EFHB: variants seen among roughly 807,000 people sequenced by gnomAD.
EFHB encodes EF-hand domain-containing family member B.
In EFHB, 91 loss-of-function variants were observed where a neutral mutation model predicts 87.2. That is an observed-to-expected ratio of 1.04 (90% CI 0.88 to 1.24). The LOEUF (loss-of-function observed/expected upper bound fraction) is 1.24, where lower values mean the gene tolerates loss of function less well. Ranked by LOEUF, EFHB falls within the 50% of genes most tolerant of loss-of-function variation. The pLI is 0.00. For synonymous variants in EFHB, 325 were observed against 333.6 expected, an observed-to-expected ratio of 0.97 and a Z score of 0.28; for missense variants, 1,084 against 998.8, an observed-to-expected ratio of 1.09 and a Z score of -1.15.
chr3:19,914,823 T>G (rs749552196), intron 5 of EFHB, among the ~76,000 whole-genome samples: 3 of 152,100 alleles, frequency 2.0e-5, no homozygotes, highest in Non-Finnish European at 4.4e-5. Flanking sequence ...AGTGCAGTGG[T>G]GCATGCCTGT....
At chr3:19,902,656 G>A (rs1449680283) in intron 6 of EFHB, among the ~76,000 whole-genome samples, 14 of 151,952 alleles carry the variant, frequency 9.2e-5, no homozygotes, top group Admixed American at 8.5e-4. Context: ...CCAGCCAATA[G>A]AGATCCTCTT....
At chr3:19,929,266 T>C (rs1695742459) in intron 1 of EFHB, among the ~76,000 whole-genome samples, 1 of 151,856 alleles carries the variant, frequency 6.6e-6, no homozygotes, top group South Asian at 2.1e-4. Context: ...CTCAAACTCC[T>C]GGGCTCAAGC....
At position 19,933,887 on chromosome 3, in the gene EFHB, C is replaced by T. The variant is rs1303489337; in HGVS notation, c.132G>A (p.Gly44=). ...ACTTATTACTAACCACAGGGCTCTC[C>T]CCGCATCGGGAATCTTCTTTTCCTA... The part of the protein sequence containing the change: ...VGLGKEDSRC[G]ESPVVSNKCE... Residue 44 remains glycine (G), a synonymous_variant, in exon 1 of 13, where the codon GGG becomes GGA. Coordinates refer to ENST00000295824, the MANE Select transcript of EFHB (RefSeq NM_144715.4). The T allele has an allele frequency of 6.2e-7, 1 of 1,613,972 alleles. No homozygotes were observed. The highest frequency in any genetic ancestry group is 1.1e-5 in the South Asian group (1 of 91,074).
intron 6 of EFHB, 149 bp downstream of exon 6, chr3:19,905,471 C>A: frequency 1.2e-6 from 1 of 863,546 alleles, no homozygotes; most frequent in Non-Finnish European, 1.7e-6. Flanking sequence ...AAGTGAAATA[C>A]ATTACACTGT....
chr3:19,915,755 A>G (rs1363729993), intron 4 of EFHB, among the ~76,000 whole-genome samples: 1 of 122,936 alleles, frequency 8.1e-6, no homozygotes, highest in Non-Finnish European at 1.7e-5. Context: ...CCCCATTTCT[A>G]CTAAAAAAAA....
chr3:19,882,762 A>G, intron 11 of EFHB, 31 bp from the exon 12 acceptor site: 1 of 1,591,408 alleles, frequency 6.3e-7, no homozygotes, highest in East Asian at 2.2e-5. Flanking sequence ...GAAAACAGAC[A>G]TTCTAAAACA....
chr3:19,898,835 T>C lies in EFHB; in HGVS notation c.1513A>G (p.Thr505Ala), dbSNP rs778757513. The C allele has an allele frequency of 8.7e-6, 14 of 1,613,670 alleles. No homozygotes were observed. The Admixed American group carries it at 2.2e-4, about 25-fold the overall frequency. ...LGRVLDPIAE[T>A]MNVPPDCTFG... ...GTGCAGTCTGGGGGAACATTCATTG[T>C]TTCTGCAATGCTATCAAAGAAAACA... The change falls in exon 8 of 13, where the codon ACA becomes GCA. Residue 505 changes from threonine (T) to alanine (A), a missense_variant. Thr to Ala is a moderately conservative substitution (Grantham distance 58). Coordinates refer to ENST00000295824, the MANE Select transcript of EFHB (RefSeq NM_144715.4).
intron 1 of EFHB, among the ~76,000 whole-genome samples, chr3:19,941,924 G>C (rs895118902): frequency 2.6e-5 from 4 of 151,528 alleles, no homozygotes; most frequent in Admixed American, 6.6e-5. Context: ...GAGGCTGAGG[G>C]GGGGCAGATC....
intron 1 of EFHB, chr3:19,946,846 C>G (rs1040358704): frequency 6.6e-6 from 1 of 152,336 alleles, no homozygotes; most frequent in African/African-American, 2.4e-5. Flanking sequence ...TTCCCCCGAC[C>G]CCGGCCGCCA....
At position 19,888,634 on chromosome 3, in the gene EFHB, T is replaced by A; in HGVS notation, c.1743A>T (p.Ile581=). The change falls in exon 10 of 13, where the codon ATA becomes ATT. Residue 581 remains isoleucine (I), a synonymous_variant. Transcript: ENST00000295824. ...RHYDKKGDGM[I]DKDELQEACD... ...AAGCTTCCTGCAGCTCGTCTTTATC[T>A]ATCATCCCATCTCCCTTCTGTTATA... 3 of 1,605,974 alleles carry A rather than the reference T, an allele frequency of 1.9e-6. No homozygotes were observed. The highest frequency in any genetic ancestry group is 1.7e-6 in the Non-Finnish European group (2 of 1,175,670).
intron 2 of EFHB, 45 bp from the exon 3 acceptor site, chr3:19,920,021 A>C: frequency 6.2e-7 from 1 of 1,604,488 alleles, no homozygotes; most frequent in Non-Finnish European, 8.5e-7. Context: ...ACAGTTTCTA[A>C]AAATATTAAC....
At chr3:19,942,496 CA>C (rs1284631641) in intron 1 of EFHB, 1 of 152,144 alleles carries the variant, frequency 6.6e-6, no homozygotes, top group Non-Finnish European at 1.5e-5. Flanking sequence ...TTCCACAGAC[CA>C]AGTTGCAGGG....
chr3:19,943,846 T>G (rs1184979261), intron 1 of EFHB, among the ~76,000 whole-genome samples: 1 of 152,168 alleles, frequency 6.6e-6, no homozygotes, highest in South Asian at 2.1e-4. Flanking sequence ...AGATAACCAT[T>G]AAGTGGAACG....
chr3:19,882,067 A>G (rs113196416), intron 12 of EFHB, among the ~76,000 whole-genome samples: 20,014 of 150,536 alleles, frequency 0.13, 1,487 homozygotes, highest in Middle Eastern at 0.22. Context: ...AAATAATTAA[A>G]TAAGACAGAT....
Position 19,882,576 on chromosome 3 carries a change from A to G in EFHB, c.2302T>C (p.Phe768Leu). ...FARKGVFERD[F>L]FKTRSKEEIA... ...TCTTCTTTTGATCTGGTCTTGAAGA[A>G]GTCTCTTTCAAACACTCCTTTCCGG... The change falls in exon 12 of 13, where the codon TTC (phenylalanine) becomes CTC (leucine). Residue 768 changes from phenylalanine (F) to leucine (L), a missense_variant. Transcript: ENST00000295824. 6.2e-7 allele frequency: 1 copy of G among 1,609,122 alleles called. No homozygotes were observed. Among genetic ancestry groups the G allele is most frequent in the Non-Finnish European group, 8.5e-7 (1 of 1,176,996 alleles).
Position 19,896,715 on chromosome 3 carries a change from A to C in EFHB, c.1697T>G (p.Leu566Trp). ...GTCATAGTGCCTGAAGGCTGCCAGC[A>C]AAGTGTCAAACTTTTGGTAATTAAC... ...KKVNYQKFDTLLAAFRHYDKK... is the reference protein window; with the variant it reads ...KKVNYQKFDTWLAAFRHYDKK... The change falls in exon 9 of 13, where the codon TTG becomes TGG. Residue 566 changes from leucine (L) to tryptophan (W), a missense_variant. By Grantham distance (61) the Leu-to-Trp change is moderately conservative. Coordinates refer to ENST00000295824, the MANE Select transcript of EFHB (RefSeq NM_144715.4). The C allele has an allele frequency of 6.2e-7, 1 of 1,614,008 alleles. No individual in the cohort carries two copies. Among genetic ancestry groups the C allele is most frequent in the African/African-American group, 1.3e-5 (1 of 75,064 alleles).
intron 5 of EFHB, among the ~76,000 whole-genome samples, chr3:19,910,027 C>T (rs1187571161): frequency 6.6e-6 from 1 of 151,808 alleles, no homozygotes; most frequent in Non-Finnish European, 1.5e-5. Flanking sequence ...TAGCACATTA[C>T]CAGCTGTGGT....
rs551896465 is a variant in EFHB at position 19,896,926 on chromosome 3, C to A, written c.1571-85G>T. 18 of 1,255,660 alleles carry A rather than the reference C, an allele frequency of 1.4e-5. No homozygotes were observed. The African/African-American group carries it at 1.8e-4, about 13-fold the overall frequency. The allele number at this position is 1,255,660 out of a possible 1,614,324, so 77.8% of individuals were successfully genotyped here. On this transcript the variant is annotated intron_variant, in intron 8 of 12. Coordinates refer to ENST00000295824, the MANE Select transcript of EFHB (RefSeq NM_144715.4). Reference sequence around the variant, plus strand: ...CTTTTAAAAAAAGTGAGAGATCTAGCAACCTCTGTGAATGAAAGAAACATC... The same window carrying A: ...CTTTTAAAAAAAGTGAGAGATCTAGAAACCTCTGTGAATGAAAGAAACATC...
At chr3:19,929,770 G>A (rs1216018397) in intron 1 of EFHB, among the ~76,000 whole-genome samples, 2 of 145,590 alleles carry the variant, frequency 1.4e-5, no homozygotes, top group Non-Finnish European at 3.0e-5. Flanking sequence ...AGATCTTTTT[G>A]AAGTCTTTGT....
Sources: gnomAD v4.1 joint callset for allele counts (sites outside exome capture counted in the v4.1 genomes callset) on GRCh38, gnomAD v4.1.1 for gene constraint, MANE v1.5 for transcripts, NCBI Gene and HGNC (gene_info 2026-07-23, HGNC 2026-07-21) for gene names.